Variants in EPB41 observed in about 807,000 individuals in gnomAD.
The protein encoded by EPB41 is erythrocyte membrane protein band 4.1.
Under a neutral mutation model 108.0 loss-of-function variants are expected in EPB41, and 65 were observed. The observed-to-expected ratio is 0.60, with a 90% CI of 0.49 to 0.74. The LOEUF is 0.74. Ranked by LOEUF, EPB41 falls within the 30% of genes least tolerant of loss-of-function variation. The probability of loss-of-function intolerance (pLI) is 0.00; values close to 1 mark genes in which losing one functional copy is unlikely to be tolerated. For synonymous variants in EPB41, 336 were observed against 358.9 expected (o/e 0.94, Z 0.72); for missense variants, 875 against 1,037.0 (o/e 0.84, Z 2.15).
chr1:29,109,217 C>A, intron 17 of EPB41, 119 bp from the exon 18 acceptor site: 2 of 761,758 alleles, frequency 2.6e-6, no homozygotes, highest in African/African-American at 1.7e-5. Context: ...AAAAAGAGGT[C>A]ATTCTAAGGG....
At chr1:29,021,068 G>A (rs553616276) in intron 7 of EPB41, among the ~76,000 whole-genome samples, 13 of 152,260 alleles carry the variant, frequency 8.5e-5, no homozygotes, top group Middle Eastern at 3.4e-3. Flanking sequence ...TAAGTAGCCA[G>A]TTATTGTGCA....
chr1:29,010,011 G>A (rs1321334017), intron 4 of EPB41, among the ~76,000 whole-genome samples: 2 of 152,098 alleles, frequency 1.3e-5, no homozygotes, highest in Non-Finnish European at 2.9e-5. Flanking sequence ...GTTGGTAGAG[G>A]GTGAGGAAGG....
At position 28,987,735 on chromosome 1, in the gene EPB41, AAAG is replaced by A. The variant is rs2149521779; in HGVS notation, c.302_304del (p.Glu101del). ...ATCTCAGGTGTCCGAGGAAGAAGGC[AAAG>A]AAGTAGAGTCAGATAAAGAAAAAGG... On this transcript the variant is annotated inframe_deletion, in exon 2 of 21. Coordinates refer to ENST00000343067, the MANE Select transcript of EPB41 (RefSeq NM_001376013.1). 6.2e-7 allele frequency: 1 copy of A among 1,614,206 alleles called. No individual in the cohort carries two copies. The highest frequency in any genetic ancestry group is 2.2e-5 in the East Asian group (1 of 44,882).
chr1:29,082,382 C>T (rs570459106), intron 16 of EPB41, among the ~76,000 whole-genome samples: 1 of 152,318 alleles, frequency 6.6e-6, no homozygotes, highest in Non-Finnish European at 1.5e-5. Flanking sequence ...CCTCAGCCTC[C>T]CAAAGTGCTG....
chr1:28,889,950 T>C (rs2089928683), intron 1 of EPB41: 1 of 345,878 alleles, frequency 2.9e-6, no homozygotes, highest in Non-Finnish European at 4.1e-6. Context: ...TGTATGACAG[T>C]TCCTGGGGAT....
At chr1:28,957,040 A>G (rs538830578) in intron 1 of EPB41, among the ~76,000 whole-genome samples, 16 of 152,378 alleles carry the variant, frequency 1.1e-4, no homozygotes, top group African/African-American at 3.8e-4. Context: ...ATTGCATGTA[A>G]TGTGAAGAGT....
At chr1:28,963,034 G>T (rs1335859277) in intron 1 of EPB41, among the ~76,000 whole-genome samples, 1 of 151,802 alleles carries the variant, frequency 6.6e-6, no homozygotes, top group Non-Finnish European at 1.5e-5. Flanking sequence ...TGCATTCTTA[G>T]TGCCTTGTGC....
At chr1:29,098,813 C>T (rs894903793) in intron 17 of EPB41, among the ~76,000 whole-genome samples, 10 of 151,802 alleles carry the variant, frequency 6.6e-5, no homozygotes, top group African/African-American at 2.4e-4. Context: ...GCGTGATGAT[C>T]TCAGCTCACT....
At chr1:28,966,669 T>A (rs2095363161) in intron 1 of EPB41, among the ~76,000 whole-genome samples, 2 of 152,192 alleles carry the variant, frequency 1.3e-5, no homozygotes, top group African/African-American at 4.8e-5. Flanking sequence ...AAGGAAAGCC[T>A]CACTGGAGGT....
intron 8 of EPB41, 74 bp downstream of exon 8, chr1:29,030,561 C>A: frequency 9.0e-7 from 1 of 1,106,000 alleles, no homozygotes; most frequent in Non-Finnish European, 1.4e-6. Context: ...ATGTATGTAT[C>A]ACATCTGTGT....
intron 1 of EPB41, among the ~76,000 whole-genome samples, chr1:28,916,756 T>G (rs2092703494): frequency 6.6e-6 from 1 of 152,144 alleles, no homozygotes; most frequent in Non-Finnish European, 1.5e-5. Context: ...TAGAAATAAA[T>G]GTTTTTAATC....
At chr1:28,975,546 T>G (rs566229722) in intron 1 of EPB41, among the ~76,000 whole-genome samples, 1 of 152,302 alleles carries the variant, frequency 6.6e-6, no homozygotes, top group African/African-American at 2.4e-5. Flanking sequence ...ACTTCCTTAC[T>G]TAAAAGCTTT....
intron 1 of EPB41, among the ~76,000 whole-genome samples, chr1:28,931,207 A>G (rs2148539495): frequency 6.6e-6 from 1 of 151,948 alleles, no homozygotes; most frequent in African/African-American, 2.4e-5. Context: ...CATACTAGCC[A>G]GGGCAACATA....
At chr1:28,967,428 A>C (rs943737258) in intron 1 of EPB41, among the ~76,000 whole-genome samples, 43 of 152,144 alleles carry the variant, frequency 2.8e-4, no homozygotes, top group African/African-American at 8.2e-4. Flanking sequence ...TAGAATGATG[A>C]GGAACTGGTA....
At chr1:28,936,837 G>T (rs1038951036) in intron 1 of EPB41, among the ~76,000 whole-genome samples, 8 of 152,034 alleles carry the variant, frequency 5.3e-5, no homozygotes, top group Non-Finnish European at 1.2e-4. Context: ...TGTTGTTTGT[G>T]CTTTTTGGCT....
chr1:29,071,277 A>C (rs1651260465), intron 16 of EPB41: 1 of 152,192 alleles, frequency 6.6e-6, no homozygotes, highest in African/African-American at 2.4e-5. Context: ...TCAAAGATTA[A>C]ATGCCATCTT....
intron 16 of EPB41, among the ~76,000 whole-genome samples, chr1:29,090,881 TG>T: frequency 6.6e-6 from 1 of 152,326 alleles, no homozygotes; most frequent in South Asian, 2.1e-4. Flanking sequence ...TGTGTTGTCC[TG>T]GAGATCTGGA....
At chr1:29,051,067 T>G (rs1199184108) in intron 11 of EPB41, among the ~76,000 whole-genome samples, 1 of 149,012 alleles carries the variant, frequency 6.7e-6, no homozygotes, top group African/African-American at 2.5e-5. Flanking sequence ...GTAATGAGCA[T>G]TTCTTTCTTT....
intron 17 of EPB41, among the ~76,000 whole-genome samples, chr1:29,104,813 C>T (rs1473438635): frequency 6.6e-6 from 1 of 152,082 alleles, no homozygotes; most frequent in Non-Finnish European, 1.5e-5. Flanking sequence ...TGGTCTCGAA[C>T]TCCTGACCTC....
Sources: allele counts gnomAD v4.1 joint callset (sites outside exome capture counted in the v4.1 genomes callset), GRCh38; gene constraint gnomAD v4.1.1; transcripts MANE v1.5; gene names NCBI Gene and HGNC (gene_info 2026-07-23, HGNC 2026-07-21).